Variants in SCIN observed in about 807,000 individuals in gnomAD.
The protein encoded by SCIN is adseverin.
SCIN carries 91 observed loss-of-function variants against 91.8 expected under a neutral mutation model. The observed-to-expected ratio is 0.99, with a 90% CI of 0.84 to 1.18. SCIN has a LOEUF of 1.18. Ranked by LOEUF, SCIN falls within the 50% of genes most tolerant of loss-of-function variation. The pLI, the probability that SCIN is intolerant of heterozygous loss-of-function variation, is 0.00. For synonymous variants in SCIN, 367 were observed against 312.6 expected, an observed-to-expected ratio of 1.17 and a Z score of -1.84; for missense variants, 1,087 against 863.9, an observed-to-expected ratio of 1.26 and a Z score of -3.24.
chr7:12,637,073 T>G (rs1783766533), intron 10 of SCIN, among the ~76,000 whole-genome samples: 1 of 152,150 alleles, frequency 6.6e-6, no homozygotes, highest in South Asian at 2.1e-4. Context: ...AAATTGTTAT[T>G]CCAGATTTTA....
chr7:12,628,380 G>T (rs1389283124), intron 8 of SCIN, among the ~76,000 whole-genome samples: 1 of 152,196 alleles, frequency 6.6e-6, no homozygotes, highest in East Asian at 1.9e-4. Context: ...AGGCTGGGGA[G>T]TCTAAGCTCA....
chr7:12,583,965 G>C (rs1453467545), intron 3 of SCIN, among the ~76,000 whole-genome samples: 1 of 152,052 alleles, frequency 6.6e-6, no homozygotes, highest in East Asian at 1.9e-4. Context: ...CTGGTGCTTG[G>C]TTATCAATTA....
chr7:12,607,753 C>T (rs139762721), intron 4 of SCIN, among the ~76,000 whole-genome samples: 2 of 152,262 alleles, frequency 1.3e-5, no homozygotes, highest in East Asian at 1.9e-4. Context: ...GTGGTCTTTT[C>T]GCTTTTGGAA....
chr7:12,586,631 C>G (rs1003136941), intron 3 of SCIN, among the ~76,000 whole-genome samples: 2 of 152,098 alleles, frequency 1.3e-5, no homozygotes, highest in African/African-American at 2.4e-5. Context: ...ACGCATGCCC[C>G]TATGTTTATT....
intron 4 of SCIN, among the ~76,000 whole-genome samples, chr7:12,615,850 A>T (rs1340658205): frequency 1.3e-5 from 2 of 152,186 alleles, no homozygotes; most frequent in Non-Finnish European, 2.9e-5. Flanking sequence ...TTATGTAGAT[A>T]AAAAAGTTTT....
intron 3 of SCIN, among the ~76,000 whole-genome samples, chr7:12,592,682 A>G (rs941104321): frequency 6.6e-6 from 1 of 152,022 alleles, no homozygotes; most frequent in East Asian, 1.9e-4. Context: ...GGGTGGGGCA[A>G]TGAGGCATGA....
At chr7:12,603,017 G>A (rs554240862) in intron 3 of SCIN, among the ~76,000 whole-genome samples, 30 of 152,232 alleles carry the variant, frequency 2.0e-4, no homozygotes, top group African/African-American at 7.0e-4. Context: ...CCTCTGCTGT[G>A]GCTCCAGCCA....
chr7:12,580,280 CATTTA>C (rs1247156848), intron 2 of SCIN, among the ~76,000 whole-genome samples: 1 of 151,354 alleles, frequency 6.6e-6, no homozygotes, highest in Non-Finnish European at 1.5e-5. Context: ...TGGTTCATAT[CATTTA>C]ATTAGAAAAA....
At chr7:12,637,219 G>C (rs568662243) in intron 10 of SCIN, among the ~76,000 whole-genome samples, 2 of 152,294 alleles carry the variant, frequency 1.3e-5, no homozygotes, top group South Asian at 4.1e-4. Context: ...AAATACAACA[G>C]TGCAGAACAA....
chr7:12,604,079 G>T (rs1441380788), intron 3 of SCIN, among the ~76,000 whole-genome samples: 1 of 151,800 alleles, frequency 6.6e-6, no homozygotes, highest in Non-Finnish European at 1.5e-5. Context: ...AAAACATCAT[G>T]TTATACACAA....
chr7:12,610,666 T>C (rs1477361532), intron 4 of SCIN, among the ~76,000 whole-genome samples: 1 of 152,224 alleles, frequency 6.6e-6, no homozygotes, highest in African/African-American at 2.4e-5. Context: ...CAAAGTCATA[T>C]GCTGATTAAA....
rs567261199 is a variant in SCIN, at chr7:12,605,611, G to A, written c.666+948G>A. ...TATACAATATTTTAAATAATTTTGC[G>A]CATGAAACAAAATGTGTGTTAAGTA... On this transcript the variant is annotated intron_variant, in intron 4 of 15. Transcript: ENST00000297029. Among the ~76,000 whole-genome samples, 22 of 152,164 alleles carry A rather than the reference G, an allele frequency of 1.4e-4. No homozygotes were observed. In the South Asian group the frequency reaches 2.9e-3, roughly 20 times the overall value.
At chr7:12,614,813 T>C (rs1040853801) in intron 4 of SCIN, among the ~76,000 whole-genome samples, 27 of 152,174 alleles carry the variant, frequency 1.8e-4, no homozygotes, top group African/African-American at 6.5e-4. Context: ...GACTTCGAGC[T>C]TTAAGATACT....
chr7:12,634,035 A>G (rs1384378023), intron 9 of SCIN, among the ~76,000 whole-genome samples: 1 of 150,738 alleles, frequency 6.6e-6, no homozygotes, highest in Non-Finnish European at 1.5e-5. Context: ...GGTCCAGTGG[A>G]AAATTCTGTG....
rs192457560 is a variant in SCIN at position 12,575,906 on chromosome 7, G to A, written c.200-2158G>A. ...GGCTGACATTGGCTTCATCAAGACC[G>A]TCAACCTCATTCAGGCATCCTGTTT... On this transcript the variant is annotated intron_variant, in intron 1 of 15. Coordinates refer to ENST00000297029, the MANE Select transcript of SCIN (RefSeq NM_001112706.3). 3.9e-5 allele frequency among the ~76,000 whole-genome samples: 6 copies of A among 152,264 alleles called. No individual in the cohort carries two copies. The East Asian group carries it at 9.7e-4, about 24-fold the overall frequency.
chr7:12,652,922 G>A lies in SCIN; in HGVS notation c.*207G>A. On this transcript the variant is annotated 3_prime_UTR_variant, in exon 16 of 16. Coordinates refer to ENST00000297029, the MANE Select transcript of SCIN (RefSeq NM_001112706.3). Reference sequence around the variant, plus strand: ...TTTCGAGACCAGCCTGGCCAACATGGCGAAACCTCGCCTCTACTAAAAATA... The same window carrying A: ...TTTCGAGACCAGCCTGGCCAACATGACGAAACCTCGCCTCTACTAAAAATA... 5 of 494,056 alleles carry A rather than the reference G, an allele frequency of 1.0e-5. No individual in the cohort carries two copies. The South Asian group carries it at 1.2e-4, about 12-fold the overall frequency. 30.6% of individuals were successfully genotyped at this position (494,056 alleles called of 1,614,324 possible).
chr7:12,601,160 A>G (rs962308848), intron 3 of SCIN, among the ~76,000 whole-genome samples: 3 of 152,102 alleles, frequency 2.0e-5, no homozygotes, highest in Non-Finnish European at 4.4e-5. Context: ...TAAAATGTGT[A>G]TTTTATTCTT....
At position 12,644,208 on chromosome 7, in the gene SCIN, A is replaced by G; in HGVS notation, c.1652A>G (p.Tyr551Cys). The change falls in exon 12 of 16, where the codon TAC becomes TGC. Residue 551 changes from tyrosine (Y) to cysteine (C), a missense_variant. Physicochemically the swap from Tyr to Cys is radical, Grantham distance 194. Coordinates refer to ENST00000297029, the MANE Select transcript of SCIN (RefSeq NM_001112706.3). ...CTGAAACTGCCACAAAATAGTGGCT[A>G]CATCTGGGTAGGAAAAGGTGCTAGC... ...FVLKLPQNSG[Y>C]IWVGKGASQE... 3.1e-6 allele frequency: 5 copies of G among 1,611,946 alleles called. No homozygotes were observed. Among genetic ancestry groups the G allele is most frequent in the South Asian group, 2.2e-5 (2 of 90,556 alleles).
chr7:12,596,089 C>G (rs961890844), intron 3 of SCIN, among the ~76,000 whole-genome samples: 1 of 152,148 alleles, frequency 6.6e-6, no homozygotes, highest in Non-Finnish European at 1.5e-5. Flanking sequence ...CAAGCAGGTA[C>G]CAAGGTCAAG....
Sources: gnomAD v4.1 joint callset for allele counts (sites outside exome capture counted in the v4.1 genomes callset) on GRCh38, gnomAD v4.1.1 for gene constraint, MANE v1.5 for transcripts, NCBI Gene and HGNC (gene_info 2026-07-23, HGNC 2026-07-21) for gene names.